Variants in ZNF516 observed in about 807,000 individuals in gnomAD.
The protein encoded by ZNF516 is zinc finger protein 516.
ZNF516 carries 19 observed loss-of-function variants against 79.7 expected under a neutral mutation model. That is an observed-to-expected ratio of 0.24 (90% confidence interval 0.17 to 0.35). The LOEUF (loss-of-function observed/expected upper bound fraction) is 0.35, where lower values mean the gene tolerates loss of function less well. Among genes scored for constraint, ZNF516 ranks in the 10% least tolerant of loss-of-function variants. The pLI is 1.00. For synonymous variants in ZNF516, 877 were observed against 739.5 expected, an observed-to-expected ratio of 1.19 and a Z score of -3.02; for missense variants, 1,678 against 1,679.5, an observed-to-expected ratio of 1.00 and a Z score of 0.02.
intron 1 of ZNF516, among the ~76,000 whole-genome samples, chr18:76,464,143 G>A (rs575974919): frequency 1.3e-5 from 2 of 152,032 alleles, no homozygotes; most frequent in East Asian, 3.9e-4. Flanking sequence ...GGCCAACATG[G>A]TAAAACCCCG....
intron 6 of ZNF516, among the ~76,000 whole-genome samples, chr18:76,369,465 T>G (rs945402638): frequency 3.3e-5 from 5 of 152,112 alleles, no homozygotes; most frequent in African/African-American, 1.2e-4. Context: ...GTAATGTCAA[T>G]TCTACATCCA....
rs920796046 is a variant in ZNF516, at chr18:76,410,799, G to A, written c.1810+30446C>T. Among the ~76,000 whole-genome samples, 5 of 152,202 alleles carry A rather than the reference G, an allele frequency of 3.3e-5. No homozygotes were observed. In the South Asian group the frequency reaches 6.2e-4, roughly 19 times the overall value. The stretch of plus-strand genomic sequence containing the variant: ...AGTGTTCACCATGCAGCCACAACAC[G>A]CAACACACATCCAATCAGCAGCAAT... On this transcript the variant is annotated intron_variant, in intron 3 of 6. Coordinates refer to ENST00000443185, the MANE Select transcript of ZNF516 (RefSeq NM_014643.4).
chr18:76,440,046 C>T lies in ZNF516; in HGVS notation c.1810+1199G>A, dbSNP rs529220593. The stretch of plus-strand genomic sequence containing the variant: ...CCCACGGGGACCAATGACTAAAACG[C>T]GAAGTTAAAATACGCATTACTGAAA... On this transcript the variant is annotated intron_variant, in intron 3 of 6. Coordinates refer to ENST00000443185, the MANE Select transcript of ZNF516 (RefSeq NM_014643.4). 1.8e-4 allele frequency among the ~76,000 whole-genome samples: 27 copies of T among 152,268 alleles called. No individual in the cohort carries two copies. In the East Asian group the frequency reaches 3.7e-3, roughly 21 times the overall value.
At chr18:76,495,696 A>G, upstream of ZNF516, 5 of 1,191,400 alleles carry the variant, frequency 4.2e-6, no homozygotes, top group Non-Finnish European at 5.3e-6. Context: ...CCATACGTAC[A>G]GACGTGCTCG....
rs1307036273 is a variant in ZNF516 at position 76,370,553 on chromosome 18, G to T, written c.3407C>A (p.Thr1136Asn). ...TTGTTTGGGGGCGTCTGCGGAGGTG[G>T]TATGAACTTCAGAACCCCGAGGCCC... ...SDGPRGSEVH[T>N]TSADAPKQGR... Residue 1136 changes from threonine to asparagine, a missense_variant, in exon 6 of 7, where the codon ACC becomes AAC. Coordinates refer to ENST00000443185, the MANE Select transcript of ZNF516 (RefSeq NM_014643.4). 9 of 1,608,384 alleles carry T rather than the reference G, an allele frequency of 5.6e-6. No homozygotes were observed. The highest frequency in any genetic ancestry group is 1.3e-5 in the African/African-American group (1 of 74,782).
At chr18:76,458,835 G>A (rs1382456742) in intron 2 of ZNF516, among the ~76,000 whole-genome samples, 2 of 149,716 alleles carry the variant, frequency 1.3e-5, no homozygotes, top group Admixed American at 6.6e-5. Flanking sequence ...GTGCCTCACC[G>A]TTGTGTGTGT....
rs1213263436 is a variant in ZNF516, at chr18:76,451,712, A to G, written c.-157-8501T>C. Among the ~76,000 whole-genome samples the G allele has an allele frequency of 6.6e-6, 1 of 152,198 alleles. No homozygotes were observed. The highest frequency in any genetic ancestry group is 2.4e-5 in the African/African-American group (1 of 41,448). ...GTGTGTGTTTGTTCTCCGGGAAACAATGAGACGGGCTTCACTAGTTACACT... is the reference window on the plus strand; with the variant it reads ...GTGTGTGTTTGTTCTCCGGGAAACAGTGAGACGGGCTTCACTAGTTACACT... On this transcript the variant is annotated intron_variant, in intron 2 of 6. Coordinates refer to ENST00000443185, the MANE Select transcript of ZNF516 (RefSeq NM_014643.4). The surrounding 1 kb of genome is among the most constrained non-coding windows in gnomAD (Gnocchi z 6.0).
intron 3 of ZNF516, among the ~76,000 whole-genome samples, chr18:76,419,280 G>A (rs375358093): frequency 6.6e-6 from 1 of 152,182 alleles, no homozygotes; most frequent in Admixed American, 6.5e-5. Flanking sequence ...GATGTGTTAG[G>A]TGTATGTGTG....
At chr18:76,496,408 G>C (rs1020585668), upstream of ZNF516, 2 of 1,289,564 alleles carry the variant, frequency 1.6e-6, no homozygotes, top group African/African-American at 1.5e-5. Context: ...CAGCGGCGGC[G>C]TCTCTCTCTG....
chr18:76,397,703 T>C (rs2075165702), intron 3 of ZNF516, among the ~76,000 whole-genome samples: 1 of 152,152 alleles, frequency 6.6e-6, no homozygotes. Context: ...GTTCAAGCCC[T>C]CCTCCCACCT....
Position 76,379,438 on chromosome 18 carries a change from G to A in ZNF516, c.2676C>T (p.His892=), listed in dbSNP as rs200120278. The change falls in exon 4 of 7, where the codon CAC becomes CAT. Residue 892 remains histidine, a synonymous_variant. Transcript: ENST00000443185. Reference sequence around the variant, plus strand: ...TGGCCGCGCCATGTGGCTCCTGGCCGTGACAAGGTTTGGTCTGTCGATACC... The same window carrying A: ...TGGCCGCGCCATGTGGCTCCTGGCCATGACAAGGTTTGGTCTGTCGATACC... ...PDGYRQTKPC[H]GQEPHGAATQ... 6.9e-5 allele frequency: 111 copies of A among 1,612,594 alleles called. No homozygotes were observed. The highest frequency in any genetic ancestry group is 3.2e-4 in the African/African-American group (24 of 75,020).
At chr18:76,385,262 A>G (rs1008547255) in intron 3 of ZNF516, among the ~76,000 whole-genome samples, 15 of 152,198 alleles carry the variant, frequency 9.9e-5, no homozygotes, top group Non-Finnish European at 1.5e-5. Flanking sequence ...GGGTGACTTC[A>G]CTGCGTCCCA....
intron 3 of ZNF516, among the ~76,000 whole-genome samples, chr18:76,425,581 A>C (rs1055157976): frequency 6.6e-6 from 1 of 152,148 alleles, no homozygotes; most frequent in East Asian, 1.9e-4. Context: ...ATTTCTCCAC[A>C]TCTGGGAAGC....
chr18:76,457,189 C>CT (rs1204886751), intron 2 of ZNF516, among the ~76,000 whole-genome samples: 1 of 152,242 alleles, frequency 6.6e-6, no homozygotes, highest in East Asian at 1.9e-4. Context: ...ACAAATGCTC[C>CT]TTGCATGTAA....
chr18:76,492,460 C>T (rs965048753), intron 1 of ZNF516: 25 of 724,080 alleles, frequency 3.5e-5, no homozygotes, highest in Middle Eastern at 6.9e-4. Flanking sequence ...TTTCACTGGC[C>T]ACGAGCGCTT....
chr18:76,430,385 A>G (rs2075647185), intron 3 of ZNF516, among the ~76,000 whole-genome samples: 1 of 152,236 alleles, frequency 6.6e-6, no homozygotes, highest in Admixed American at 6.5e-5. Flanking sequence ...ATTTTAAATC[A>G]AAGGAAACAC....
At chr18:76,488,371 A>G in intron 1 of ZNF516, 1 of 490,858 alleles carries the variant, frequency 2.0e-6, no homozygotes, top group African/African-American at 2.1e-5. Context: ...TAGTTAGGCA[A>G]TAAATGCAAA....
chr18:76,382,739 T>C (rs1239051774), intron 3 of ZNF516, among the ~76,000 whole-genome samples: 1 of 151,896 alleles, frequency 6.6e-6, no homozygotes, highest in Non-Finnish European at 1.5e-5. Flanking sequence ...GGCAAAATGC[T>C]GTCTCTACTA....
At chr18:76,472,721 G>A (rs1229867031) in intron 1 of ZNF516, among the ~76,000 whole-genome samples, 1 of 152,146 alleles carries the variant, frequency 6.6e-6, no homozygotes, top group East Asian at 1.9e-4. Flanking sequence ...AAACAGGATG[G>A]CTCCAAATGA....
Sources: allele counts gnomAD v4.1 joint callset (sites outside exome capture counted in the v4.1 genomes callset), GRCh38; gene constraint gnomAD v4.1.1; non-coding constraint Gnocchi (gnomAD v3.1); transcripts MANE v1.5; gene names NCBI Gene and HGNC (gene_info 2026-07-23, HGNC 2026-07-21).